SH3PXD2A: variants seen among roughly 807,000 people sequenced by gnomAD.
SH3PXD2A encodes SH3 and PX domains 2A.
A neutral mutation model predicts 115.2 loss-of-function variants in SH3PXD2A; 32 were observed. That is an observed-to-expected ratio of 0.28 (90% CI 0.21 to 0.37). The LOEUF is 0.37. Among genes scored for constraint, SH3PXD2A ranks in the 10% least tolerant of loss-of-function variants. The pLI is 1.00. For missense variants in SH3PXD2A, 1,328 were observed against 1,498.7 expected (o/e 0.89, Z 1.88); for synonymous variants, 610 against 629.1 (o/e 0.97, Z 0.45).
Position 103,661,109 on chromosome 10 carries a change from C to A in SH3PXD2A, c.478G>T (p.Asp160Tyr). The A allele has an allele frequency of 6.2e-7, 1 of 1,612,870 alleles. No homozygotes were observed. Among genetic ancestry groups the A allele is most frequent in the African/African-American group, 1.3e-5 (1 of 74,966 alleles). ...ESPKKDVTGADATAEPMILEQ... is the reference protein window; with the variant it reads ...ESPKKDVTGAYATAEPMILEQ... The stretch of plus-strand genomic sequence containing the variant: ...AGGATCATGGGCTCGGCGGTGGCGT[C>A]GGCACCTGGCGAGGGCAGAAAGCAC... The change falls in exon 8 of 15, where the codon GAC becomes TAC. Residue 160 changes from aspartate (D) to tyrosine (Y), a missense_variant. Around this residue, in one of 5 missense-constraint regions of SH3PXD2A, gnomAD observed 90 missense variants for 71.1 expected, o/e 1.27. Coordinates refer to ENST00000369774, the MANE Select transcript of SH3PXD2A (RefSeq NM_001394015.1).
At chr10:103,734,942 GC>G (rs1328223930) in intron 4 of SH3PXD2A, among the ~76,000 whole-genome samples, 16 of 152,222 alleles carry the variant, frequency 1.1e-4, no homozygotes, top group Admixed American at 1.0e-3. Flanking sequence ...CCGTGTGGAG[GC>G]ACCCTGTGTG....
chr10:103,736,726 A>T, intron 3 of SH3PXD2A: 1 of 1,268,048 alleles, frequency 7.9e-7, no homozygotes, highest in Non-Finnish European at 1.0e-6. Flanking sequence ...TGTGAGTTAT[A>T]GCACTTGTGA....
intron 8 of SH3PXD2A, among the ~76,000 whole-genome samples, chr10:103,638,673 G>A (rs2036902995): frequency 6.6e-6 from 1 of 152,240 alleles, no homozygotes; most frequent in East Asian, 1.9e-4. Context: ...ACATCTCAGT[G>A]TTGTTACGAG....
chr10:103,804,782 G>A, intron 1 of SH3PXD2A, among the ~76,000 whole-genome samples: 1 of 152,078 alleles, frequency 6.6e-6, no homozygotes, highest in African/African-American at 2.4e-5. Flanking sequence ...AGAAGCAAAT[G>A]GTTAGGAATG....
At chr10:103,640,563 A>C (rs2036939677) in intron 8 of SH3PXD2A, among the ~76,000 whole-genome samples, 1 of 152,168 alleles carries the variant, frequency 6.6e-6, no homozygotes. Flanking sequence ...GCATTTGACA[A>C]AGAGCCCTCC....
At chr10:103,821,433 T>C (rs1257001014) in intron 1 of SH3PXD2A, among the ~76,000 whole-genome samples, 1 of 152,174 alleles carries the variant, frequency 6.6e-6, no homozygotes, top group African/African-American at 2.4e-5. Flanking sequence ...CTGGCGTTCA[T>C]TCTTTTTATT....
chr10:103,614,432 A>G (rs755520741), intron 11 of SH3PXD2A, among the ~76,000 whole-genome samples: 1 of 152,252 alleles, frequency 6.6e-6, no homozygotes, highest in Non-Finnish European at 1.5e-5. Context: ...AAAAGACAAA[A>G]GCACATGACT....
intron 2 of SH3PXD2A, among the ~76,000 whole-genome samples, chr10:103,778,355 T>A (rs928371584): frequency 1.3e-5 from 2 of 151,696 alleles, no homozygotes; most frequent in African/African-American, 4.8e-5. Context: ...CGGGGGGAAA[T>A]GAATAGGTAG....
rs35917262 is a variant in SH3PXD2A at position 103,633,727 on chromosome 10, CAAAAAAAAAA to C, written c.605-6535_605-6526del. On this transcript the variant is annotated intron_variant, in intron 8 of 14. Transcript: ENST00000369774. ...TAGGCGATGGAGCAAGATTCTGTCTCAAAAAAAAAAAAAAAAAAAAAAAAAAAAGACTCAG... is the reference window on the plus strand; with the variant it reads ...TAGGCGATGGAGCAAGATTCTGTCTCAAAAAAAAAAAAAAAAAAGACTCAG... Among the ~76,000 whole-genome samples the C allele has an allele frequency of 2.4e-3, 181 of 74,372 alleles. 1 individual carries two copies. The highest frequency in any genetic ancestry group is 9.1e-3 in the South Asian group (13 of 1,430). 48.8% of individuals were successfully genotyped at this position (74,372 alleles called of 152,430 possible).
rs549068708 is a variant in SH3PXD2A, at chr10:103,839,359, G to A, written c.72+15836C>T. Among the ~76,000 whole-genome samples the A allele has an allele frequency of 2.0e-5, 3 of 152,276 alleles. No individual in the cohort carries two copies. The East Asian group carries it at 5.8e-4, about 29-fold the overall frequency. The stretch of plus-strand genomic sequence containing the variant: ...CAGCTCTGAACATGCACATGCGAAG[G>A]ATTCTTTCAGGGGATGCTCCGCCTT... On this transcript the variant is annotated intron_variant, in intron 1 of 14. Coordinates refer to ENST00000369774, the MANE Select transcript of SH3PXD2A (RefSeq NM_001394015.1).
At chr10:103,835,823 C>T (rs1238624417) in intron 1 of SH3PXD2A, among the ~76,000 whole-genome samples, 1 of 152,190 alleles carries the variant, frequency 6.6e-6, no homozygotes, top group African/African-American at 2.4e-5. Context: ...CCTTCTGCTC[C>T]CTATACTTCC....
At chr10:103,719,532 G>A (rs1235354640) in intron 5 of SH3PXD2A, among the ~76,000 whole-genome samples, 2 of 152,122 alleles carry the variant, frequency 1.3e-5, no homozygotes, top group Non-Finnish European at 2.9e-5. Flanking sequence ...CCTGCTCTGG[G>A]ACATGCACTG....
At position 103,627,759 on chromosome 10, in the gene SH3PXD2A, G is replaced by C. The variant is rs1471667661; in HGVS notation, c.605-557C>G. On this transcript the variant is annotated intron_variant, in intron 8 of 14. Coordinates refer to ENST00000369774, the MANE Select transcript of SH3PXD2A (RefSeq NM_001394015.1). This position sits in a 1 kb window ranked among gnomAD's most constrained non-coding sequence, Gnocchi z 4.4. The stretch of plus-strand genomic sequence containing the variant: ...GCGGTAAGTGGGCACTGCATCCTCA[G>C]CTGATGCTTGACGATCATGGCCACG... 6.6e-6 allele frequency among the ~76,000 whole-genome samples: 1 copy of C among 152,182 alleles called. No individual in the cohort carries two copies. The highest frequency in any genetic ancestry group is 1.5e-5 in the Non-Finnish European group (1 of 68,038).
Position 103,596,661 on chromosome 10 carries a change from A to ACTCTCTCT in SH3PXD2A, c.*5154_*5155insAGAGAGAG, listed in dbSNP as rs1271125442. ...CACACACACACACACACACACACAC[A>ACTCTCTCT]CACTCTCTCTCTCTCTCTCTCTCTC... On this transcript the variant is annotated 3_prime_UTR_variant, in exon 15 of 15. Transcript: ENST00000369774. 101 of 37,028 alleles carry ACTCTCTCT rather than the reference A, an allele frequency of 2.7e-3. No individual in the cohort carries two copies. Among genetic ancestry groups the ACTCTCTCT allele is most frequent in the African/African-American group, 7.6e-3 (87 of 11,514 alleles). The allele number at this position is 37,028 out of a possible 1,614,324, so 2.3% of individuals were successfully genotyped here. A position where few individuals can be genotyped will look rare whatever the true frequency, so the allele number is the denominator to read the frequency against.
rs991340552 is a variant in SH3PXD2A at position 103,795,086 on chromosome 10, A to G, written c.153+6196T>C. On this transcript the variant is annotated intron_variant, in intron 2 of 14. Transcript: ENST00000369774. ...TACCAGTCTAATAGAATTTTCTGTGATAATAGAAATGTTCCATATCTGCCC... is the reference window on the plus strand; with the variant it reads ...TACCAGTCTAATAGAATTTTCTGTGGTAATAGAAATGTTCCATATCTGCCC... Among the ~76,000 whole-genome samples the G allele has an allele frequency of 2.0e-5, 3 of 152,320 alleles. No homozygotes were observed. The South Asian group carries it at 6.2e-4, about 32-fold the overall frequency.
chr10:103,731,157 C>A (rs1327316938), intron 4 of SH3PXD2A, among the ~76,000 whole-genome samples: 3 of 151,262 alleles, frequency 2.0e-5, no homozygotes, highest in African/African-American at 7.3e-5. Flanking sequence ...TGAAGGAGTC[C>A]CGTTTTTGTT....
At chr10:103,836,446 A>T (rs1382735751) in intron 1 of SH3PXD2A, among the ~76,000 whole-genome samples, 1 of 151,432 alleles carries the variant, frequency 6.6e-6, no homozygotes, top group African/African-American at 2.4e-5. Context: ...CCATACACAC[A>T]TAACACATCC....
chr10:103,693,168 C>G, intron 5 of SH3PXD2A, 112 bp from the exon 6 acceptor site: 3 of 696,686 alleles, frequency 4.3e-6, no homozygotes, highest in Non-Finnish European at 7.0e-6. Context: ...TGCCGCTGCT[C>G]ATGTGATGCC....
At chr10:103,688,170 C>T (rs1003126192) in intron 6 of SH3PXD2A, among the ~76,000 whole-genome samples, 2 of 152,222 alleles carry the variant, frequency 1.3e-5, no homozygotes, top group Non-Finnish European at 2.9e-5. Context: ...TGCATGTGCT[C>T]TCTCTGGATT....
Sources: allele counts gnomAD v4.1 joint callset (sites outside exome capture counted in the v4.1 genomes callset), GRCh38; gene constraint gnomAD v4.1.1; regional missense constraint gnomAD v4.1.1; non-coding constraint Gnocchi (gnomAD v3.1); transcripts MANE v1.5; gene names NCBI Gene and HGNC (gene_info 2026-07-23, HGNC 2026-07-21).